The following SEMA3D variants were observed in gnomAD, a reference collection of about 807,000 sequenced individuals.
SEMA3D encodes semaphorin 3D.
A neutral mutation model predicts 100.1 loss-of-function variants in SEMA3D; 84 were observed. That is an observed-to-expected ratio of 0.84 (90% CI 0.70 to 1.01). The LOEUF (loss-of-function observed/expected upper bound fraction) is 1.01, where lower values mean the gene tolerates loss of function less well. Ranked by LOEUF, SEMA3D falls within the 50% of genes least tolerant of loss-of-function variation. The probability of loss-of-function intolerance (pLI) is 0.00; values close to 1 mark genes in which losing one functional copy is unlikely to be tolerated. For synonymous variants in SEMA3D, 312 were observed against 320.7 expected, an observed-to-expected ratio of 0.97 and a Z score of 0.29; for missense variants, 875 against 934.1, an observed-to-expected ratio of 0.94 and a Z score of 0.82.
At chr7:85,182,066 G>A (rs895256173) in intron 1 of SEMA3D, among the ~76,000 whole-genome samples, 1 of 151,846 alleles carries the variant, frequency 6.6e-6, no homozygotes. Flanking sequence ...TCTTGGTTAT[G>A]GTGAATTCTT....
chr7:85,030,444 C>T (rs1051630164), intron 12 of SEMA3D, among the ~76,000 whole-genome samples: 4 of 151,340 alleles, frequency 2.6e-5, no homozygotes, highest in African/African-American at 9.8e-5. Context: ...AAACAACTAA[C>T]ATTTAACGCG....
chr7:85,214,611 C>T, the SEMA3D span, among the ~76,000 whole-genome samples: 1 of 151,980 alleles, frequency 6.6e-6, no homozygotes, highest in Admixed American at 6.6e-5. Context: ...ATTTTACTGC[C>T]TCAGCCTCCC....
intron 1 of SEMA3D, among the ~76,000 whole-genome samples, chr7:85,176,799 G>T (rs199665774): frequency 0.038 from 5,443 of 143,296 alleles, 221 homozygotes; most frequent in East Asian, 0.17. Context: ...TATATAGAGA[G>T]AGAGAGAGAG....
chr7:85,047,157 AAAAG>A (rs1418061337), intron 9 of SEMA3D, among the ~76,000 whole-genome samples: 8 of 151,898 alleles, frequency 5.3e-5, no homozygotes, highest in African/African-American at 1.9e-4. Flanking sequence ...ATTAATTAAA[AAAAG>A]AAAAAAAAAT....
At chr7:85,119,254 C>G (rs1013268487) in intron 3 of SEMA3D, among the ~76,000 whole-genome samples, 5 of 152,194 alleles carry the variant, frequency 3.3e-5, no homozygotes, top group African/African-American at 9.7e-5. Flanking sequence ...AACCTGCAAT[C>G]CCATTACTGG....
Position 85,160,196 on chromosome 7 carries a change from AT to A in SEMA3D, c.-172-6458del, listed in dbSNP as rs532709477. ...TAAGGCATTATATAAATACAAGTAA[AT>A]ACGTGTTTTTTTTACCATTGAAGTG... On this transcript the variant is annotated intron_variant, in intron 1 of 18. Coordinates refer to ENST00000284136, the MANE Select transcript of SEMA3D (RefSeq NM_001384900.1). 82 of 230,988 alleles carry A rather than the reference AT, an allele frequency of 3.5e-4. No individual in the cohort carries two copies. The South Asian group carries it at 0.012, about 33-fold the overall frequency. The allele number at this position is 230,988 out of a possible 1,614,324, so 14.3% of individuals were successfully genotyped here.
At position 85,008,222 on chromosome 7, in the gene SEMA3D, G is replaced by T. The variant is rs900089826; in HGVS notation, c.1769-1281C>A. On this transcript the variant is annotated intron_variant, in intron 17 of 18. Transcript: ENST00000284136. Reference sequence around the variant, plus strand: ...GTCAACAAAGTAGGGGACGATGTAGGTTGATTGTTGGGATATGGGGCAAGG... The same window carrying T: ...GTCAACAAAGTAGGGGACGATGTAGTTTGATTGTTGGGATATGGGGCAAGG... Among the ~76,000 whole-genome samples, 7 of 151,932 alleles carry T rather than the reference G, an allele frequency of 4.6e-5. No homozygotes were observed. In the Middle Eastern group the frequency reaches 0.014, roughly 295 times the overall value.
intron 2 of SEMA3D, among the ~76,000 whole-genome samples, chr7:85,139,211 A>C (rs1246834606): frequency 2.6e-5 from 4 of 152,030 alleles, no homozygotes; most frequent in Non-Finnish European, 5.9e-5. Context: ...GACAATGAGA[A>C]ATATGTAAGA....
chr7:85,209,422 C>A, the SEMA3D span, among the ~76,000 whole-genome samples: 2 of 151,740 alleles, frequency 1.3e-5, no homozygotes, highest in African/African-American at 4.8e-5. Context: ...ACTAATTAGG[C>A]AATTGGGAAT....
At chr7:85,078,682 C>T (rs567811123) in intron 5 of SEMA3D, among the ~76,000 whole-genome samples, 5 of 152,234 alleles carry the variant, frequency 3.3e-5, no homozygotes, top group Non-Finnish European at 5.9e-5. Flanking sequence ...TGGAATAGTT[C>T]CCTTTTGTTT....
chr7:85,053,995 CT>C (rs1442885971), intron 9 of SEMA3D, among the ~76,000 whole-genome samples: 2 of 151,580 alleles, frequency 1.3e-5, no homozygotes, highest in African/African-American at 4.8e-5. Flanking sequence ...TTCCAGTTCT[CT>C]AGGTGTTTTT....
intron 3 of SEMA3D, among the ~76,000 whole-genome samples, chr7:85,111,336 CT>C (rs1242774438): frequency 1.3e-5 from 2 of 152,014 alleles, no homozygotes; most frequent in East Asian, 3.9e-4. Context: ...GTCTAATACC[CT>C]TCTCAAATAA....
chr7:85,183,707 T>C (rs1338095398), intron 1 of SEMA3D, among the ~76,000 whole-genome samples: 1 of 152,246 alleles, frequency 6.6e-6, no homozygotes, highest in Non-Finnish European at 1.5e-5. Flanking sequence ...TACTTTTCTA[T>C]CTTTTATCGT....
chr7:85,085,093 T>C (rs551989667), intron 4 of SEMA3D, among the ~76,000 whole-genome samples: 191 of 152,284 alleles, frequency 1.3e-3, no homozygotes, highest in African/African-American at 4.5e-3. Flanking sequence ...GCCAGATTAA[T>C]ATTTCTTTGA....
At chr7:85,224,592 T>G in the SEMA3D span, among the ~76,000 whole-genome samples, 1 of 152,214 alleles carries the variant, frequency 6.6e-6, no homozygotes, top group African/African-American at 2.4e-5. Flanking sequence ...AATGTGCATA[T>G]TTTATCAACT....
At chr7:85,040,067 T>A (rs1790813008) in intron 11 of SEMA3D, among the ~76,000 whole-genome samples, 1 of 149,640 alleles carries the variant, frequency 6.7e-6, no homozygotes, top group Non-Finnish European at 1.5e-5. Context: ...GCCTCTACCT[T>A]CCAGGCTTAA....
chr7:85,018,964 A>G (rs993519446), intron 14 of SEMA3D, among the ~76,000 whole-genome samples: 1 of 151,792 alleles, frequency 6.6e-6, no homozygotes, highest in Non-Finnish European at 1.5e-5. Context: ...GCACCAGCTC[A>G]TATTTGCTAA....
intron 4 of SEMA3D, among the ~76,000 whole-genome samples, chr7:85,083,795 C>A (rs62473402): frequency 6.5e-5 from 8 of 123,020 alleles, no homozygotes; most frequent in Non-Finnish European, 1.4e-4. Context: ...TGCAGTGAGC[C>A]GAGATCGCGC....
chr7:85,239,291 C>G, the SEMA3D span, among the ~76,000 whole-genome samples: 1 of 152,134 alleles, frequency 6.6e-6, no homozygotes, highest in African/African-American at 2.4e-5. Context: ...TGTCTCCACC[C>G]TTGTAAATGG....
Sources: allele counts gnomAD v4.1 joint callset (sites outside exome capture counted in the v4.1 genomes callset), GRCh38; gene constraint gnomAD v4.1.1; transcripts MANE v1.5; gene names NCBI Gene and HGNC (gene_info 2026-07-23, HGNC 2026-07-21).